Variants in CA13 observed in about 807,000 individuals in gnomAD.
The protein encoded by CA13 is CA-XIII.
Under a neutral mutation model 31.5 loss-of-function variants are expected in CA13, and 21 were observed. The observed-to-expected ratio is 0.67, with a 90% CI of 0.47 to 0.96. The LOEUF (loss-of-function observed/expected upper bound fraction) is 0.96, where lower values mean the gene tolerates loss of function less well. CA13 is among the 40% of genes least tolerant of loss of function. CA13 has a pLI of 0.00. For missense variants in CA13, 315 were observed against 318.9 expected (o/e 0.99, Z 0.09); for synonymous variants, 117 against 111.4 (o/e 1.05, Z -0.32).
In CA13 at chr8:85,245,828, C is replaced by T; in HGVS notation, c.-1C>T. ...TTCTCTTCCTTCCACCCCGAGGGAC[C>T]ATGTCGAGGCTCAGCTGGGGATACC... On this transcript the variant is annotated 5_prime_UTR_variant, in exon 1 of 7. Transcript: ENST00000321764. 1 of 1,614,146 alleles carries T rather than the reference C, an allele frequency of 6.2e-7. No homozygotes were observed. The highest frequency in any genetic ancestry group is 1.3e-5 in the African/African-American group (1 of 75,064).
chr8:85,276,873 G>A (rs944855955), intron 6 of CA13, among the ~76,000 whole-genome samples: 20 of 142,348 alleles, frequency 1.4e-4, no homozygotes, highest in Admixed American at 5.6e-4. Flanking sequence ...TACACCAATC[G>A]GCACTCTTTA....
chr8:85,251,613 C>T (rs1813830087), intron 2 of CA13, among the ~76,000 whole-genome samples: 1 of 69,798 alleles, frequency 1.4e-5, no homozygotes, highest in African/African-American at 8.8e-5. Flanking sequence ...TATTTGCAAA[C>T]CTATAATGCC....
intron 3 of CA13, among the ~76,000 whole-genome samples, chr8:85,261,432 TA>T (rs1463815813): frequency 6.6e-6 from 1 of 152,112 alleles, no homozygotes; most frequent in Admixed American, 6.5e-5. Flanking sequence ...GTATTTTATT[TA>T]TTTTTTTTTT....
At chr8:85,262,465 T>A (rs1158801042) in intron 3 of CA13, among the ~76,000 whole-genome samples, 1 of 152,114 alleles carries the variant, frequency 6.6e-6, no homozygotes, top group Non-Finnish European at 1.5e-5. Context: ...AGGAGGCTCA[T>A]ACATTTGAAA....
At chr8:85,270,504 G>GA (rs1301078700) in intron 6 of CA13, among the ~76,000 whole-genome samples, 1 of 152,158 alleles carries the variant, frequency 6.6e-6, no homozygotes, top group East Asian at 1.9e-4. Flanking sequence ...TGTATCATGA[G>GA]AAAAATGACC....
In CA13 at chr8:85,245,909, C is replaced by T. The variant is rs1587529170; in HGVS notation, c.37+44C>T. ...TCCAAGGGGGGGTTTGTGCGGGGGA[C>T]GAGAGGACTAGCGCGACGCCCCGGC... On this transcript the variant is annotated intron_variant, in intron 1 of 6. Coordinates refer to ENST00000321764, the MANE Select transcript of CA13 (RefSeq NM_198584.3). The T allele has an allele frequency of 5.0e-6, 8 of 1,611,740 alleles. No individual in the cohort carries two copies. The East Asian group carries it at 1.6e-4, about 31-fold the overall frequency.
chr8:85,266,553 GT>G, intron 3 of CA13, 54 bp from the exon 4 acceptor site: 1 of 1,341,116 alleles, frequency 7.5e-7, no homozygotes, highest in Non-Finnish European at 1.1e-6. Context: ...TTGCATTTAT[GT>G]TTTTCAGGAT....
intron 2 of CA13, 100 bp downstream of exon 2, chr8:85,251,037 C>A (rs1313232282): frequency 3.1e-5 from 32 of 1,018,550 alleles, no homozygotes; most frequent in Non-Finnish European, 3.3e-5. Flanking sequence ...GAGTCTCGCT[C>A]TGTCGCCAGG....
intron 6 of CA13, among the ~76,000 whole-genome samples, chr8:85,269,171 G>A (rs1263379857): frequency 6.6e-6 from 1 of 152,220 alleles, no homozygotes; most frequent in Non-Finnish European, 1.5e-5. Context: ...AAGTGGGTAG[G>A]CTGGGCACAG....
At chr8:85,256,097 T>A (rs1357914465) in intron 2 of CA13, among the ~76,000 whole-genome samples, 1 of 151,842 alleles carries the variant, frequency 6.6e-6, no homozygotes, top group Non-Finnish European at 1.5e-5. Context: ...AGCATTGGGA[T>A]GCCTTAGCAT....
chr8:85,261,877 G>A (rs1807384885), intron 3 of CA13, among the ~76,000 whole-genome samples: 1 of 149,436 alleles, frequency 6.7e-6, no homozygotes, highest in South Asian at 2.1e-4. Context: ...ACAGGCTCTC[G>A]ATCTGTTGCC....
chr8:85,280,324 A>G (rs761189007), intron 6 of CA13, among the ~76,000 whole-genome samples: 1 of 152,140 alleles, frequency 6.6e-6, no homozygotes, highest in African/African-American at 2.4e-5. Flanking sequence ...TGTGGAAAAC[A>G]TGGTTGCTTG....
chr8:85,248,585 G>A (rs992679115), intron 1 of CA13, among the ~76,000 whole-genome samples: 1 of 152,086 alleles, frequency 6.6e-6, no homozygotes, highest in African/African-American at 2.4e-5. Flanking sequence ...TCATGGGGGG[G>A]ACAAGGAGAA....
intron 4 of CA13, chr8:85,267,426 G>A (rs1807473382): frequency 2.2e-6 from 1 of 449,276 alleles, no homozygotes; most frequent in African/African-American, 2.1e-5. Flanking sequence ...TGATGAGTTT[G>A]CTTATGATGA....
chr8:85,275,509 A>G (rs969089692), intron 6 of CA13, among the ~76,000 whole-genome samples: 4 of 152,004 alleles, frequency 2.6e-5, no homozygotes, highest in Non-Finnish European at 4.4e-5. Flanking sequence ...TAGATCTACA[A>G]ACAGGTTTTT....
Position 85,245,709 on chromosome 8 carries a change from A to T in CA13, c.-120A>T. On this transcript the variant is annotated 5_prime_UTR_variant, in exon 1 of 7. Coordinates refer to ENST00000321764, the MANE Select transcript of CA13 (RefSeq NM_198584.3). ...CCCCGGACCGGGTTCACGGTCTCGC[A>T]CTCCTGCCGCCGGCGCCCCGCGGTC... The T allele has an allele frequency of 1.7e-6, 2 of 1,164,760 alleles. No individual in the cohort carries two copies. Among genetic ancestry groups the T allele is most frequent in the Non-Finnish European group, 2.5e-6 (2 of 787,448 alleles). 72.2% of individuals were successfully genotyped at this position (1,164,760 alleles called of 1,614,324 possible). A position where few individuals can be genotyped will look rare whatever the true frequency, so the allele number is the denominator to read the frequency against.
At chr8:85,277,452 A>G (rs375328173) in intron 6 of CA13, among the ~76,000 whole-genome samples, 32 of 152,256 alleles carry the variant, frequency 2.1e-4, no homozygotes, top group African/African-American at 7.7e-4. Flanking sequence ...CATCAGAAGG[A>G]ACAAACTCCG....
chr8:85,264,747 C>G (rs547684165), intron 3 of CA13, among the ~76,000 whole-genome samples: 1 of 152,332 alleles, frequency 6.6e-6, no homozygotes, highest in East Asian at 1.9e-4. Context: ...ACTGAGAGAA[C>G]TGGTGCATTG....
At chr8:85,277,489 A>G (rs940568248) in intron 6 of CA13, among the ~76,000 whole-genome samples, 1 of 152,014 alleles carries the variant, frequency 6.6e-6, no homozygotes, top group African/African-American at 2.4e-5. Flanking sequence ...GTACTGTAAC[A>G]CTCACCGCGA....
Sources: allele counts gnomAD v4.1 joint callset (sites outside exome capture counted in the v4.1 genomes callset), GRCh38; gene constraint gnomAD v4.1.1; transcripts MANE v1.5; gene names NCBI Gene and HGNC (gene_info 2026-07-23, HGNC 2026-07-21).